The following ZNF521 variants were observed in gnomAD, a reference collection of about 807,000 sequenced individuals.
ZNF521 encodes LYST-interacting protein 3.
In ZNF521, 14 loss-of-function variants were observed where a neutral mutation model predicts 105.5. The ratio of observed to expected loss-of-function variants is 0.13; its 90% CI spans 0.09 to 0.21. ZNF521 has a LOEUF of 0.21. ZNF521 is among the 10% of genes least tolerant of loss of function. The pLI, the probability that ZNF521 is intolerant of heterozygous loss-of-function variation, is 1.00. For missense variants in ZNF521, 1,233 were observed against 1,629.7 expected, an observed-to-expected ratio of 0.76 and a Z score of 4.19; for synonymous variants, 635 against 606.0, an observed-to-expected ratio of 1.05 and a Z score of -0.70.
At chr18:25,066,112 G>A (rs1296337256) in intron 7 of ZNF521, among the ~76,000 whole-genome samples, 1 of 152,212 alleles carries the variant, frequency 6.6e-6, no homozygotes, top group Non-Finnish European at 1.5e-5. Flanking sequence ...GGAGATGCCT[G>A]CAGACCACGG....
At chr18:25,326,644 G>A (rs561265943) in intron 2 of ZNF521, among the ~76,000 whole-genome samples, 2 of 152,276 alleles carry the variant, frequency 1.3e-5, no homozygotes, top group African/African-American at 2.4e-5. Flanking sequence ...CACAGTGCAG[G>A]CCCTCTGTCC....
intron 5 of ZNF521, among the ~76,000 whole-genome samples, chr18:25,097,936 C>T (rs1026645678): frequency 3.9e-5 from 6 of 152,066 alleles, no homozygotes; most frequent in Admixed American, 2.6e-4. Context: ...AATGATTCAA[C>T]TGGGGTAGGC....
intron 5 of ZNF521, among the ~76,000 whole-genome samples, chr18:25,193,457 C>A (rs900545461): frequency 6.6e-6 from 1 of 152,032 alleles, no homozygotes; most frequent in Non-Finnish European, 1.5e-5. Context: ...CCATAAACTG[C>A]AGACTTCTAA....
At chr18:25,084,241 G>A (rs2033571660) in intron 7 of ZNF521, among the ~76,000 whole-genome samples, 1 of 140,342 alleles carries the variant, frequency 7.1e-6, no homozygotes, top group African/African-American at 2.5e-5. Flanking sequence ...TATACTCACT[G>A]AGAAGCTGGT....
chr18:25,076,796 AAAC>A (rs57387218), intron 7 of ZNF521, among the ~76,000 whole-genome samples: 6,949 of 152,310 alleles, frequency 0.046, 301 homozygotes, highest in African/African-American at 0.11. Context: ...CATCAAAATA[AAAC>A]AACACTAAAA....
At chr18:25,219,942 C>T (rs1161929449) in intron 4 of ZNF521, among the ~76,000 whole-genome samples, 1 of 152,206 alleles carries the variant, frequency 6.6e-6, no homozygotes, top group Non-Finnish European at 1.5e-5. Flanking sequence ...CCACCACAGG[C>T]ATCAAGATAA....
chr18:25,300,022 C>G (rs1407125174), intron 3 of ZNF521, among the ~76,000 whole-genome samples: 2 of 152,206 alleles, frequency 1.3e-5, no homozygotes, highest in East Asian at 3.8e-4. Flanking sequence ...ACAGAGAACA[C>G]AGAAGTATCG....
intron 5 of ZNF521, among the ~76,000 whole-genome samples, chr18:25,127,485 C>T (rs6508350): frequency 0.46 from 70,304 of 151,640 alleles, 16,533 homozygotes; most frequent in South Asian, 0.56. Context: ...TTAATGCTTT[C>T]GTTAAAAAAG....
At chr18:25,330,475 T>C (rs1292057912) in intron 2 of ZNF521, among the ~76,000 whole-genome samples, 6 of 152,156 alleles carry the variant, frequency 3.9e-5, no homozygotes, top group Admixed American at 3.9e-4. Context: ...CCAGCTAACT[T>C]TTTAACCTAG....
At chr18:25,114,626 A>T (rs999997167) in intron 5 of ZNF521, among the ~76,000 whole-genome samples, 25 of 152,194 alleles carry the variant, frequency 1.6e-4, no homozygotes, top group African/African-American at 5.8e-4. Context: ...ATAAATCAAT[A>T]AATTTCCAAA....
At chr18:25,320,243 GCTCACTGCAAC>G (rs1912865725) in intron 3 of ZNF521, among the ~76,000 whole-genome samples, 1 of 152,148 alleles carries the variant, frequency 6.6e-6, no homozygotes, top group African/African-American at 2.4e-5. Context: ...CGTGATCTCA[GCTCACTGCAAC>G]CTCTGCCTCC....
intron 3 of ZNF521, among the ~76,000 whole-genome samples, chr18:25,270,251 C>A (rs1909560892): frequency 6.6e-6 from 1 of 151,964 alleles, no homozygotes; most frequent in African/African-American, 2.4e-5. Flanking sequence ...CTGAATAGAC[C>A]AATAACAAGT....
Position 25,258,068 on chromosome 18 carries a change from G to A in ZNF521, c.221-30371C>T, listed in dbSNP as rs569956620. 3.3e-5 allele frequency among the ~76,000 whole-genome samples: 5 copies of A among 152,182 alleles called. No homozygotes were observed. The South Asian group carries it at 1.0e-3, about 32-fold the overall frequency. On this transcript the variant is annotated intron_variant, in intron 3 of 7. Transcript: ENST00000361524. ...GTAGTATTCCCTTCTGTATGTATAG[G>A]CTATAGATTAAATAAAGACAATTCT...
intron 5 of ZNF521, among the ~76,000 whole-genome samples, chr18:25,186,904 TAA>T (rs113619835): frequency 1.7e-4 from 13 of 74,304 alleles, no homozygotes; most frequent in Admixed American, 4.2e-4. Context: ...AAAGTAATGC[TAA>T]AAAAAAAAAA....
At chr18:25,142,492 C>G (rs533025888) in intron 5 of ZNF521, among the ~76,000 whole-genome samples, 3 of 152,112 alleles carry the variant, frequency 2.0e-5, no homozygotes, top group African/African-American at 7.2e-5. Context: ...AATTAACACA[C>G]GACCTAATTC....
chr18:25,168,965 G>A (rs1000129894), intron 5 of ZNF521, among the ~76,000 whole-genome samples: 1 of 152,014 alleles, frequency 6.6e-6, no homozygotes, highest in Non-Finnish European at 1.5e-5. Flanking sequence ...GTGTGTGTGT[G>A]TGTGTGTGTG....
chr18:25,079,669 G>A lies in ZNF521; in HGVS notation c.3906+9796C>T, dbSNP rs112518977. Among the ~76,000 whole-genome samples, 22 of 140,956 alleles carry A rather than the reference G, an allele frequency of 1.6e-4. 1 individual carries two copies. Among genetic ancestry groups the A allele is most frequent in the African/African-American group, 6.1e-4 (22 of 36,212 alleles). 92.5% of individuals were successfully genotyped at this position (140,956 alleles called of 152,430 possible). On this transcript the variant is annotated intron_variant, in intron 7 of 7. Coordinates refer to ENST00000361524, the MANE Select transcript of ZNF521 (RefSeq NM_015461.3). ...CAGCTAGGAAGTGAGCGCACAGATG[G>A]TGGGGGGGACGCAGGGTGCTCTCAG...
intron 2 of ZNF521, among the ~76,000 whole-genome samples, chr18:25,339,370 CT>C (rs1301572492): frequency 6.6e-6 from 1 of 152,224 alleles, no homozygotes; most frequent in Non-Finnish European, 1.5e-5. Flanking sequence ...ACATATGAAA[CT>C]TCAGGATTTG....
At chr18:25,306,078 C>A (rs559000953) in intron 3 of ZNF521, among the ~76,000 whole-genome samples, 1 of 152,190 alleles carries the variant, frequency 6.6e-6, no homozygotes, top group African/African-American at 2.4e-5. Flanking sequence ...TTGCCAGAAC[C>A]CACCCCTCTA....
Sources: allele counts gnomAD v4.1 joint callset (sites outside exome capture counted in the v4.1 genomes callset), GRCh38; gene constraint gnomAD v4.1.1; transcripts MANE v1.5; gene names NCBI Gene and HGNC (gene_info 2026-07-23, HGNC 2026-07-21).